Variants in MAP1LC3B observed in about 807,000 individuals in gnomAD.
The protein encoded by MAP1LC3B is microtubule-associated protein 1 light chain 3 beta.
In MAP1LC3B, 12 loss-of-function variants were observed where a neutral mutation model predicts 16.7. The ratio of observed to expected loss-of-function variants is 0.72; its 90% CI spans 0.46 to 1.16. The LOEUF is 1.16. Ranked by LOEUF, MAP1LC3B falls within the 50% of genes most tolerant of loss-of-function variation. The probability of loss-of-function intolerance (pLI) is 0.00; values close to 1 mark genes in which losing one functional copy is unlikely to be tolerated. For synonymous variants in MAP1LC3B, 63 were observed against 56.5 expected (o/e 1.11, Z -0.51); for missense variants, 155 against 159.5 (o/e 0.97, Z 0.15).
At chr16:87,401,514 A>G (rs1294231321) in intron 2 of MAP1LC3B, among the ~76,000 whole-genome samples, 1 of 152,202 alleles carries the variant, frequency 6.6e-6, no homozygotes, top group Non-Finnish European at 1.5e-5. Flanking sequence ...GGCATTTTGT[A>G]TATTTTTAAT....
chr16:87,394,946 G>A (rs1907746932), intron 1 of MAP1LC3B, among the ~76,000 whole-genome samples: 1 of 150,490 alleles, frequency 6.6e-6, no homozygotes, highest in Admixed American at 6.7e-5. Context: ...AGTTGTTGCT[G>A]TGTGGCCCAG....
At chr16:87,402,843 A>G in intron 3 of MAP1LC3B, 80 bp from the exon 4 acceptor site, 1 of 1,521,666 alleles carries the variant, frequency 6.6e-7, no homozygotes. Flanking sequence ...TTTACCGATC[A>G]GAGTGGGTGA....
chr16:87,398,638 C>T (rs191233903), intron 1 of MAP1LC3B, among the ~76,000 whole-genome samples, 177 bp from the exon 2 acceptor site: 1 of 152,296 alleles, frequency 6.6e-6, no homozygotes, highest in Admixed American at 6.5e-5. Context: ...GCCTTAGATA[C>T]AAACCTTTAT....
At chr16:87,392,926 G>C (rs1415101602) in intron 1 of MAP1LC3B, 2 of 152,352 alleles carry the variant, frequency 1.3e-5, no homozygotes, top group East Asian at 1.9e-4. Context: ...GCTGCGCCGG[G>C]ACCCAGCGCG....
chr16:87,404,579 C>G lies in MAP1LC3B; in HGVS notation c.*1482C>G, dbSNP rs1179593635. 6.6e-6 allele frequency: 1 copy of G among 152,048 alleles called. No individual in the cohort carries two copies. The highest frequency in any genetic ancestry group is 1.5e-5 in the Non-Finnish European group (1 of 68,026). 9.4% of individuals were successfully genotyped at this position (152,048 alleles called of 1,614,324 possible). A position where few individuals can be genotyped will look rare whatever the true frequency, so the allele number is the denominator to read the frequency against. On this transcript the variant is annotated 3_prime_UTR_variant, in exon 4 of 4. Coordinates refer to ENST00000268607, the MANE Select transcript of MAP1LC3B (RefSeq NM_022818.5). ...TCTTAACTGGACTGTCTCGTTTAGACTGTATACATCATATCTGACATTATT... is the reference window on the plus strand; with the variant it reads ...TCTTAACTGGACTGTCTCGTTTAGAGTGTATACATCATATCTGACATTATT...
intron 1 of MAP1LC3B, chr16:87,396,743 G>T (rs1023721941): frequency 6.6e-6 from 1 of 152,146 alleles, no homozygotes; most frequent in Non-Finnish European, 1.5e-5. Context: ...TGAGAATCTC[G>T]CTGGGAAGTA....
chr16:87,400,871 C>A (rs546975775), intron 2 of MAP1LC3B, among the ~76,000 whole-genome samples: 1 of 152,100 alleles, frequency 6.6e-6, no homozygotes, highest in South Asian at 2.1e-4. Flanking sequence ...CGCGGTGGCT[C>A]ACGCCTGTAT....
intron 2 of MAP1LC3B, chr16:87,400,208 C>A (rs563723459): frequency 7.2e-6 from 1 of 139,606 alleles, no homozygotes; most frequent in African/African-American, 2.7e-5. Flanking sequence ...GATGCAGTCT[C>A]GCTCTGTCAC....
At position 87,403,184 on chromosome 16, in the gene MAP1LC3B, C is replaced by T; in HGVS notation, c.*87C>T. On this transcript the variant is annotated 3_prime_UTR_variant, in exon 4 of 4. Coordinates refer to ENST00000268607, the MANE Select transcript of MAP1LC3B (RefSeq NM_022818.5). ...TGTTACCAACTGAGATCGATCAGTT[C>T]ATCCAATCACAGATCATGAAACAGT... The T allele has an allele frequency of 6.8e-7, 1 of 1,468,378 alleles. No individual in the cohort carries two copies. Among genetic ancestry groups the T allele is most frequent in the Non-Finnish European group, 9.2e-7 (1 of 1,086,078 alleles). The allele number at this position is 1,468,378 out of a possible 1,614,324, so 91.0% of individuals were successfully genotyped here. A position where few individuals can be genotyped will look rare whatever the true frequency, so the allele number is the denominator to read the frequency against.
chr16:87,399,192 G>A (rs989471605), intron 2 of MAP1LC3B: 4 of 315,986 alleles, frequency 1.3e-5, no homozygotes, highest in African/African-American at 2.1e-5. Context: ...GTTTTTTGTA[G>A]AGACAGGGTC....
intron 1 of MAP1LC3B, among the ~76,000 whole-genome samples, chr16:87,395,843 CCTT>C (rs1293096285): frequency 3.7e-5 from 5 of 135,404 alleles, no homozygotes; most frequent in Admixed American, 1.5e-4. Flanking sequence ...CCTGTTTTTT[CCTT>C]CTTTCCTTTT....
intron 3 of MAP1LC3B, chr16:87,402,680 A>C: frequency 6.9e-6 from 4 of 580,342 alleles, no homozygotes; most frequent in Non-Finnish European, 1.2e-5. Flanking sequence ...CTTATATTAG[A>C]CAGTTTAACA....
At chr16:87,401,367 G>A (rs1256083293) in intron 2 of MAP1LC3B, among the ~76,000 whole-genome samples, 2 of 152,078 alleles carry the variant, frequency 1.3e-5, no homozygotes, top group Non-Finnish European at 2.9e-5. Flanking sequence ...CAGACATATT[G>A]TCTCTCTTGT....
At chr16:87,396,474 CAA>C (rs772843080) in intron 1 of MAP1LC3B, among the ~76,000 whole-genome samples, 6 of 106,228 alleles carry the variant, frequency 5.6e-5, no homozygotes, top group Admixed American at 1.0e-4. Flanking sequence ...GACTCCATCT[CAA>C]AAAAAAAAAA....
intron 3 of MAP1LC3B, 46 bp downstream of exon 3, chr16:87,402,327 TC>T: frequency 2.0e-6 from 3 of 1,533,804 alleles, no homozygotes; most frequent in Non-Finnish European, 2.7e-6. Flanking sequence ...TTGAGTAACT[TC>T]TTATTCTTTA....
intron 1 of MAP1LC3B, among the ~76,000 whole-genome samples, chr16:87,397,164 T>C (rs1158633666): frequency 6.6e-6 from 1 of 152,216 alleles, no homozygotes; most frequent in Admixed American, 6.5e-5. Context: ...AATAGGAATA[T>C]GCACTGGTAG....
At position 87,404,734 on chromosome 16, in the gene MAP1LC3B, T is replaced by G. The variant is rs1013016556; in HGVS notation, c.*1637T>G. The G allele has an allele frequency of 6.6e-6, 1 of 152,210 alleles. No homozygotes were observed. Among genetic ancestry groups the G allele is most frequent in the African/African-American group, 2.4e-5 (1 of 41,456 alleles). 9.4% of individuals were successfully genotyped at this position (152,210 alleles called of 1,614,324 possible). A position where few individuals can be genotyped will look rare whatever the true frequency, so the allele number is the denominator to read the frequency against. The stretch of plus-strand genomic sequence containing the variant: ...ATTTATAGGATCTTTAAAACATTTT[T>G]AATGAACTAAGTTGAATAAAGGCAC... On this transcript the variant is annotated 3_prime_UTR_variant, in exon 4 of 4. Transcript: ENST00000268607.
intron 3 of MAP1LC3B, 186 bp downstream of exon 3, chr16:87,402,467 G>A: frequency 1.6e-6 from 1 of 624,388 alleles, no homozygotes; most frequent in Admixed American, 3.3e-5. Flanking sequence ...CTTTTTTTGA[G>A]GTTTTATATT....
rs1227879067 is a variant in MAP1LC3B at position 87,392,366 on chromosome 16, G to C, written c.-62G>C. The C allele has an allele frequency of 7.3e-6, 10 of 1,367,606 alleles. No individual in the cohort carries two copies. Among genetic ancestry groups the C allele is most frequent in the Non-Finnish European group, 9.4e-6 (10 of 1,066,418 alleles). 84.7% of individuals were successfully genotyped at this position (1,367,606 alleles called of 1,614,324 possible). A position where few individuals can be genotyped will look rare whatever the true frequency, so the allele number is the denominator to read the frequency against. Reference sequence around the variant, plus strand: ...CGGATTCGCCGCCGCAGCAGCCGCCGCCCCCGGGAGCCGCCGGGACCCTCG... The same window carrying C: ...CGGATTCGCCGCCGCAGCAGCCGCCCCCCCCGGGAGCCGCCGGGACCCTCG... On this transcript the variant is annotated 5_prime_UTR_variant, in exon 1 of 4. Transcript: ENST00000268607.
Sources: gnomAD v4.1 joint callset for allele counts (sites outside exome capture counted in the v4.1 genomes callset) on GRCh38, gnomAD v4.1.1 for gene constraint, MANE v1.5 for transcripts, NCBI Gene and HGNC (gene_info 2026-07-23, HGNC 2026-07-21) for gene names.